Variants in RALGPS2 observed in about 807,000 individuals in gnomAD.
RALGPS2 encodes the protein ras-specific guanine nucleotide-releasing factor RalGPS2.
A neutral mutation model predicts 86.8 loss-of-function variants in RALGPS2; 43 were observed. That is an observed-to-expected ratio of 0.50 (90% CI 0.39 to 0.64). The LOEUF (loss-of-function observed/expected upper bound fraction) is 0.64. Among genes scored for constraint, RALGPS2 ranks in the 30% least tolerant of loss-of-function variants. The probability of loss-of-function intolerance (pLI) is 0.00; values close to 1 mark genes in which losing one functional copy is unlikely to be tolerated. For synonymous variants in RALGPS2, 243 were observed against 231.3 expected, an observed-to-expected ratio of 1.05 and a Z score of -0.46; for missense variants, 536 against 694.6, an observed-to-expected ratio of 0.77 and a Z score of 2.57.
chr1:178,858,637 T>C (rs944748084), intron 8 of RALGPS2, among the ~76,000 whole-genome samples: 1 of 152,204 alleles, frequency 6.6e-6, no homozygotes, highest in African/African-American at 2.4e-5. Flanking sequence ...TATGTGAGGA[T>C]TAAAGTTTAC....
At chr1:178,782,245 G>C (rs1263230136) in intron 2 of RALGPS2, among the ~76,000 whole-genome samples, 4 of 152,080 alleles carry the variant, frequency 2.6e-5, no homozygotes, top group Non-Finnish European at 4.4e-5. Context: ...AACTCCTTGG[G>C]TGTCCAGTCT....
chr1:178,770,767 G>A (rs972740018), intron 1 of RALGPS2, among the ~76,000 whole-genome samples: 7 of 150,828 alleles, frequency 4.6e-5, no homozygotes, highest in African/African-American at 1.2e-4. Flanking sequence ...GTGAGGCACC[G>A]CGCCTGGCCA....
intron 8 of RALGPS2, among the ~76,000 whole-genome samples, chr1:178,861,084 C>T (rs1413940): frequency 2.0e-5 from 3 of 152,112 alleles, no homozygotes; most frequent in African/African-American, 7.2e-5. Flanking sequence ...TGAGAAAACA[C>T]AAACTGGCAG....
intron 1 of RALGPS2, chr1:178,746,587 G>A (rs1239033054): frequency 2.0e-5 from 14 of 698,730 alleles, no homozygotes; most frequent in South Asian, 1.2e-4. Context: ...GAGGGTTAGC[G>A]AGCCTCACTT....
chr1:178,739,518 A>G (rs1364831841), intron 1 of RALGPS2, among the ~76,000 whole-genome samples: 2 of 152,202 alleles, frequency 1.3e-5, no homozygotes, highest in African/African-American at 2.4e-5. Flanking sequence ...GCATGACTCA[A>G]GATGTGGCAA....
intron 1 of RALGPS2, among the ~76,000 whole-genome samples, chr1:178,734,705 G>C (rs910651763): frequency 1.3e-5 from 2 of 152,144 alleles, no homozygotes; most frequent in African/African-American, 2.4e-5. Flanking sequence ...TATGTGTTTC[G>C]ATGATTCTGT....
At chr1:178,792,396 C>T (rs564676440) in intron 4 of RALGPS2, among the ~76,000 whole-genome samples, 1 of 152,314 alleles carries the variant, frequency 6.6e-6, no homozygotes, top group Non-Finnish European at 1.5e-5. Context: ...TCCAGTATCT[C>T]CCATTGACGT....
chr1:178,910,074 G>A (rs550931492), intron 19 of RALGPS2, among the ~76,000 whole-genome samples: 1 of 152,230 alleles, frequency 6.6e-6, no homozygotes, highest in East Asian at 1.9e-4. Flanking sequence ...AGTGTTATTG[G>A]TGTATAGAAA....
Position 178,916,208 on chromosome 1 carries a change from A to G in RALGPS2, c.1723-122A>G, listed in dbSNP as rs1242303105. ...ATAAACTATTGAAGCTCCTTATATC[A>G]AGTTCCTTTTAAAAGATACTTAAGT... On this transcript the variant is annotated intron_variant, in intron 19 of 19. Coordinates refer to ENST00000367635, the MANE Select transcript of RALGPS2 (RefSeq NM_152663.5). 5 of 739,124 alleles carry G rather than the reference A, an allele frequency of 6.8e-6. No individual in the cohort carries two copies. In the East Asian group the frequency reaches 1.3e-4, roughly 19 times the overall value. The allele number at this position is 739,124 out of a possible 1,614,324, so 45.8% of individuals were successfully genotyped here. A position where few individuals can be genotyped will look rare whatever the true frequency, so the allele number is the denominator to read the frequency against.
chr1:178,856,676 T>C (rs1657610051), intron 8 of RALGPS2, among the ~76,000 whole-genome samples: 1 of 151,978 alleles, frequency 6.6e-6, no homozygotes, highest in Non-Finnish European at 1.5e-5. Context: ...CATCGGTAAT[T>C]GTTAGTTATT....
chr1:178,853,824 A>C, intron 8 of RALGPS2: 1 of 1,482,130 alleles, frequency 6.7e-7, no homozygotes, highest in South Asian at 1.4e-5. Flanking sequence ...AGCAAACTTA[A>C]TATGAGAAGA....
At chr1:178,839,975 A>G (rs529671941) in intron 8 of RALGPS2, among the ~76,000 whole-genome samples, 2 of 152,220 alleles carry the variant, frequency 1.3e-5, no homozygotes, top group African/African-American at 2.4e-5. Context: ...TATGCACCCA[A>G]TACAGGAGCA....
chr1:178,904,062 G>C lies in RALGPS2; in HGVS notation c.1630+1851G>C, dbSNP rs112671906. On this transcript the variant is annotated intron_variant, in intron 18 of 19. Transcript: ENST00000367635. Reference sequence around the variant, plus strand: ...TGGCCATTCTTGCAGGAGTAAGCTAGTATCTCATTGTAGTTTTGATTTGCA... The same window carrying C: ...TGGCCATTCTTGCAGGAGTAAGCTACTATCTCATTGTAGTTTTGATTTGCA... 1.3e-3 allele frequency among the ~76,000 whole-genome samples: 194 copies of C among 152,150 alleles called. 2 individuals carry two copies. The highest frequency in any genetic ancestry group is 4.3e-3 in the African/African-American group (178 of 41,514).
At chr1:178,805,946 T>C (rs1310358294) in intron 4 of RALGPS2, among the ~76,000 whole-genome samples, 2 of 151,216 alleles carry the variant, frequency 1.3e-5, no homozygotes, top group East Asian at 1.9e-4. Context: ...CATAAGGAAT[T>C]TTTTTTTTCA....
intron 19 of RALGPS2, among the ~76,000 whole-genome samples, chr1:178,909,449 G>A (rs530335138): frequency 2.0e-5 from 3 of 151,914 alleles, no homozygotes; most frequent in African/African-American, 7.2e-5. Context: ...ATTTTCTAAT[G>A]GTTTTTTCTA....
Position 178,919,201 on chromosome 1 carries a change from C to T in RALGPS2, c.*2842C>T, listed in dbSNP as rs1166443698. The T allele has an allele frequency of 6.6e-6, 1 of 152,016 alleles. No individual in the cohort carries two copies. Among genetic ancestry groups the T allele is most frequent in the Non-Finnish European group, 1.5e-5 (1 of 67,916 alleles). The allele number at this position is 152,016 out of a possible 1,614,324, so 9.4% of individuals were successfully genotyped here. ...AACAAGAACTGATCAAACACACCTT[C>T]CTATTTTGTTTTCTTCACTATGTAA... On this transcript the variant is annotated 3_prime_UTR_variant, in exon 20 of 20. Coordinates refer to ENST00000367635, the MANE Select transcript of RALGPS2 (RefSeq NM_152663.5).
chr1:178,884,671 G>T (rs1436966748), intron 11 of RALGPS2, among the ~76,000 whole-genome samples: 2 of 151,660 alleles, frequency 1.3e-5, no homozygotes, highest in Non-Finnish European at 2.9e-5. Context: ...TTGAGTGTTT[G>T]ACCTACCCTA....
At chr1:178,806,508 A>G (rs970310160) in intron 4 of RALGPS2, among the ~76,000 whole-genome samples, 2 of 152,170 alleles carry the variant, frequency 1.3e-5, no homozygotes, top group African/African-American at 2.4e-5. Flanking sequence ...TCAAATTAGC[A>G]TAACAACATT....
intron 1 of RALGPS2, among the ~76,000 whole-genome samples, chr1:178,750,307 G>A (rs1437660961): frequency 6.6e-6 from 1 of 152,236 alleles, no homozygotes; most frequent in South Asian, 2.1e-4. Flanking sequence ...CACATAAATG[G>A]ATGAGTGGCT....
Sources: gnomAD v4.1 joint callset for allele counts (sites outside exome capture counted in the v4.1 genomes callset) on GRCh38, gnomAD v4.1.1 for gene constraint, MANE v1.5 for transcripts, NCBI Gene and HGNC (gene_info 2026-07-23, HGNC 2026-07-21) for gene names.